Variants in KMT2A observed in about 807,000 individuals in gnomAD.
KMT2A encodes histone-lysine N-methyltransferase 2A.
KMT2A carries 16 observed loss-of-function variants against 345.3 expected under a neutral mutation model. That is an observed-to-expected ratio of 0.05 (90% CI 0.03 to 0.07). The LOEUF (loss-of-function observed/expected upper bound fraction) is 0.07. Among genes scored for constraint, KMT2A ranks in the 10% least tolerant of loss-of-function variants. The pLI is 1.00. For synonymous variants in KMT2A, 1,599 were observed against 1,778.6 expected (o/e 0.90, Z 2.54); for missense variants, 3,272 against 4,841.6 (o/e 0.68, Z 9.62).
chr11:118,439,303 A>G (rs1949268682), intron 1 of KMT2A, among the ~76,000 whole-genome samples: 1 of 152,228 alleles, frequency 6.6e-6, no homozygotes, highest in African/African-American at 2.4e-5. Flanking sequence ...AGGAGAAGTT[A>G]GTCCATTTTA....
chr11:118,512,558 T>G (rs1950712405), intron 31 of KMT2A, among the ~76,000 whole-genome samples: 1 of 152,232 alleles, frequency 6.6e-6, no homozygotes, highest in Admixed American at 6.5e-5. Context: ...ACATTTGGGT[T>G]TTTTCTATTT....
chr11:118,441,919 G>A (rs1161152988), intron 1 of KMT2A, among the ~76,000 whole-genome samples: 4 of 152,174 alleles, frequency 2.6e-5, no homozygotes, highest in African/African-American at 7.2e-5. Context: ...CTGTCCTTCC[G>A]TGGGGCAGCT....
chr11:118,445,024 G>A (rs1308021860), intron 1 of KMT2A, among the ~76,000 whole-genome samples: 4 of 152,122 alleles, frequency 2.6e-5, no homozygotes, highest in Non-Finnish European at 4.4e-5. Flanking sequence ...CTAATTGTTA[G>A]AACCAAGAGA....
chr11:118,458,819 C>T (rs1034445074), intron 1 of KMT2A, among the ~76,000 whole-genome samples: 1 of 152,158 alleles, frequency 6.6e-6, no homozygotes, highest in East Asian at 1.9e-4. Flanking sequence ...TTAAACTTAT[C>T]GCTGCCAAGA....
In KMT2A at chr11:118,488,523, T is replaced by C. The variant is rs782786807; in HGVS notation, c.4333-91T>C. Reference sequence around the variant, plus strand: ...AATTAAATATATGCCAGTGGACTACTAAAACCCAAAGTATATAAGAAGGGT... The same window carrying C: ...AATTAAATATATGCCAGTGGACTACCAAAACCCAAAGTATATAAGAAGGGT... On this transcript the variant is annotated intron_variant, in intron 10 of 35. Transcript: ENST00000534358. 56 of 1,429,680 alleles carry C rather than the reference T, an allele frequency of 3.9e-5. No homozygotes were observed. In the South Asian group the frequency reaches 5.7e-4, roughly 14 times the overall value. The allele number at this position is 1,429,680 out of a possible 1,614,324, so 88.6% of individuals were successfully genotyped here.
Position 118,501,250 on chromosome 11 carries a change from G to C in KMT2A, c.6319+103G>C, listed in dbSNP as rs1475814586. 5 of 1,066,358 alleles carry C rather than the reference G, an allele frequency of 4.7e-6. No individual in the cohort carries two copies. The Admixed American group carries it at 6.4e-5, about 14-fold the overall frequency. The allele number at this position is 1,066,358 out of a possible 1,614,324, so 66.1% of individuals were successfully genotyped here. On this transcript the variant is annotated intron_variant, in intron 25 of 35. Transcript: ENST00000534358. The stretch of plus-strand genomic sequence containing the variant: ...AGGCAGGTGAATCACTTGAGGCCAG[G>C]AGTTCAAGAACAGCCTGGCCAACAT...
At chr11:118,508,868 A>T (rs1490102098) in intron 28 of KMT2A, among the ~76,000 whole-genome samples, 3 of 152,174 alleles carry the variant, frequency 2.0e-5, no homozygotes, top group Non-Finnish European at 4.4e-5. Flanking sequence ...AATACTGAGT[A>T]TGAGAAGAAT....
chr11:118,480,161 G>A lies in KMT2A; in HGVS notation c.3570-13G>A, dbSNP rs1555038812. ...ATTTAATTTGTTTCATGGTTTATTC[G>A]TTGTTTTCCTAGGATGAGAAAATGT... On this transcript the variant is annotated splice_polypyrimidine_tract_variant and intron_variant, in intron 5 of 35. Transcript: ENST00000534358. 8.7e-6 allele frequency: 14 copies of A among 1,604,966 alleles called. No homozygotes were observed. The highest frequency in any genetic ancestry group is 1.7e-4 in the Middle Eastern group (1 of 6,048).
intron 1 of KMT2A, among the ~76,000 whole-genome samples, chr11:118,455,758 C>T (rs552970615): frequency 1.5e-4 from 23 of 151,404 alleles, no homozygotes; most frequent in Non-Finnish European, 2.5e-4. Context: ...AGTTCAGTGG[C>T]GCAATCATGG....
chr11:118,439,842 T>TG (rs1555139712), intron 1 of KMT2A, among the ~76,000 whole-genome samples: 1 of 152,154 alleles, frequency 6.6e-6, no homozygotes, highest in East Asian at 1.9e-4. Context: ...ATGTGGTGTT[T>TG]GAGGCAATCC....
intron 28 of KMT2A, among the ~76,000 whole-genome samples, chr11:118,508,768 T>C (rs1310664265): frequency 2.0e-5 from 3 of 151,972 alleles, no homozygotes; most frequent in Non-Finnish European, 4.4e-5. Context: ...TATAAGCTCA[T>C]GCAGCTTATT....
Position 118,504,337 on chromosome 11 carries a change from A to G in KMT2A, c.8445A>G (p.Thr2815=), listed in dbSNP as rs201281130. ...SSLESSRRVH[T]STPSDKNLLD... is the part of the protein sequence containing the mutation. ...TGGAGTCAAGCCGCAGAGTCCACAC[A>G]AGTACCCCCTCCGACAAAAATTTAC... is the stretch of plus-strand genomic sequence containing the variant. The change falls in exon 27 of 36, where the codon ACA becomes ACG. Residue 2815 remains threonine, a synonymous_variant. Coordinates refer to ENST00000534358, the MANE Select transcript of KMT2A (RefSeq NM_001197104.2). This position sits in a 1 kb window ranked among gnomAD's most constrained non-coding sequence, Gnocchi z 6.4. The G allele has an allele frequency of 1.4e-5, 23 of 1,614,166 alleles. 1 individual carries two copies. In the South Asian group the frequency reaches 2.2e-4, roughly 15 times the overall value.
chr11:118,495,588 T>A lies in KMT2A; in HGVS notation c.5364-112T>A, dbSNP rs547705864. ...TCAAACGCTGTGACTTGTTCTTATA[T>A]TCTGTGAATGGCTCCTACATGGGGC... is the stretch of plus-strand genomic sequence containing the variant. On this transcript the variant is annotated intron_variant, in intron 18 of 35. Coordinates refer to ENST00000534358, the MANE Select transcript of KMT2A (RefSeq NM_001197104.2). The surrounding 1 kb of genome is among the most constrained non-coding windows in gnomAD (Gnocchi z 4.1). 7.5e-5 allele frequency: 54 copies of A among 716,522 alleles called. No homozygotes were observed. The African/African-American group carries it at 8.4e-4, about 11-fold the overall frequency. The allele number at this position is 716,522 out of a possible 1,614,324, so 44.4% of individuals were successfully genotyped here. A position where few individuals can be genotyped will look rare whatever the true frequency, so the allele number is the denominator to read the frequency against.
At chr11:118,454,232 G>A (rs1172742265) in intron 1 of KMT2A, among the ~76,000 whole-genome samples, 1 of 152,170 alleles carries the variant, frequency 6.6e-6, no homozygotes, top group African/African-American at 2.4e-5. Context: ...CACACTGCTA[G>A]GATAAATCCA....
chr11:118,442,025 T>C (rs1949324991), intron 1 of KMT2A, among the ~76,000 whole-genome samples: 2 of 152,182 alleles, frequency 1.3e-5, no homozygotes, highest in Admixed American at 1.3e-4. Flanking sequence ...CTGCAGTGCC[T>C]CTCTCTTTTG....
Position 118,494,073 on chromosome 11 carries a change from T to C in KMT2A, c.5179-215T>C, listed in dbSNP as rs1470388115. On this transcript the variant is annotated intron_variant, in intron 16 of 35. Coordinates refer to ENST00000534358, the MANE Select transcript of KMT2A (RefSeq NM_001197104.2). This position sits in a 1 kb window ranked among gnomAD's most constrained non-coding sequence, Gnocchi z 5.8. Reference sequence around the variant, plus strand: ...ATTTATCATGATACAGCCAATTTGTTTGCATTCTTACCTCATTAGCCTGGC... The same window carrying C: ...ATTTATCATGATACAGCCAATTTGTCTGCATTCTTACCTCATTAGCCTGGC... 6.6e-6 allele frequency among the ~76,000 whole-genome samples: 1 copy of C among 152,176 alleles called. No individual in the cohort carries two copies. The highest frequency in any genetic ancestry group is 1.5e-5 in the Non-Finnish European group (1 of 68,030).
At chr11:118,466,609 A>C (rs1410643302) in intron 1 of KMT2A, among the ~76,000 whole-genome samples, 2 of 152,142 alleles carry the variant, frequency 1.3e-5, no homozygotes, top group Non-Finnish European at 2.9e-5. Flanking sequence ...TGAGGCCAGG[A>C]GTTCAAGACC....
At position 118,473,603 on chromosome 11, in the gene KMT2A, G is replaced by A. The variant is rs2134268755; in HGVS notation, c.2444G>A (p.Arg815Lys). ...QSGESAEKNQ[R>K]PRKQTSAPAE... ...GGGGAATCTGCAGAGAAAAATCAGA[G>A]ACCAAGGAAGCAGACTAGTGCTCCG... Residue 815 changes from arginine (R) to lysine (K), a missense_variant, in exon 3 of 36, where the codon AGA (arginine) becomes AAA (lysine). By Grantham distance (26) the Arg-to-Lys change is conservative. Transcript: ENST00000534358. The surrounding 1 kb of genome is among the most constrained non-coding windows in gnomAD (Gnocchi z 5.2). The A allele has an allele frequency of 6.2e-7, 1 of 1,614,030 alleles. No homozygotes were observed. Among genetic ancestry groups the A allele is most frequent in the Non-Finnish European group, 8.5e-7 (1 of 1,180,034 alleles).
chr11:118,461,689 CCT>C (rs1344430939), intron 1 of KMT2A, among the ~76,000 whole-genome samples: 2 of 152,116 alleles, frequency 1.3e-5, no homozygotes, highest in Non-Finnish European at 2.9e-5. Context: ...TCTCCTGTAC[CCT>C]CTCTCTTCAG....
Sources: gnomAD v4.1 joint callset for allele counts (sites outside exome capture counted in the v4.1 genomes callset) on GRCh38, gnomAD v4.1.1 for gene constraint, Gnocchi (gnomAD v3.1) non-coding constraint, MANE v1.5 for transcripts, NCBI Gene and HGNC (gene_info 2026-07-23, HGNC 2026-07-21) for gene names.